Variants in ANKRD36C observed in about 807,000 individuals in gnomAD.
ANKRD36C encodes the protein ankyrin repeat domain-containing protein 36C.
Under a neutral mutation model 276.4 loss-of-function variants are expected in ANKRD36C, and 61 were observed. That is an observed-to-expected ratio of 0.22 (90% CI 0.18 to 0.27). The LOEUF is 0.27. Among genes scored for constraint, ANKRD36C ranks in the 10% least tolerant of loss-of-function variants. The pLI is 1.00. For synonymous variants in ANKRD36C, 483 were observed against 680.1 expected, an observed-to-expected ratio of 0.71 and a Z score of 4.51; for missense variants, 1,447 against 2,032.3, an observed-to-expected ratio of 0.71 and a Z score of 5.54.
Position 95,915,281 on chromosome 2 carries a change from A to G in ANKRD36C, c.2449+699T>C, listed in dbSNP as rs190229033. On this transcript the variant is annotated intron_variant, in intron 38 of 66. Transcript: ENST00000456556. Reference sequence around the variant, plus strand: ...TTAAGTTTATCTCATTTCTATAACTAAAATCAACAAAACATGTATCTCTGA... The same window carrying G: ...TTAAGTTTATCTCATTTCTATAACTGAAATCAACAAAACATGTATCTCTGA... Among the ~76,000 whole-genome samples, 105 of 151,722 alleles carry G rather than the reference A, an allele frequency of 6.9e-4. 1 individual carries two copies. Among genetic ancestry groups the G allele is most frequent in the African/African-American group, 2.4e-3 (101 of 41,488 alleles).
At chr2:95,972,440 C>G (rs1573812993) in intron 6 of ANKRD36C, among the ~76,000 whole-genome samples, 1 of 152,330 alleles carries the variant, frequency 6.6e-6, no homozygotes, top group Non-Finnish European at 1.5e-5. Context: ...GGTAACTCCA[C>G]AGGAGAGGGC....
chr2:95,943,452 C>G (rs1677951330), intron 19 of ANKRD36C, among the ~76,000 whole-genome samples: 1 of 150,614 alleles, frequency 6.6e-6, no homozygotes, highest in African/African-American at 2.4e-5. Flanking sequence ...CCACTGCCCT[C>G]CAGCCTGGGA....
chr2:95,879,314 G>A (rs1212800984), intron 58 of ANKRD36C, among the ~76,000 whole-genome samples: 1 of 152,148 alleles, frequency 6.6e-6, no homozygotes, highest in African/African-American at 2.4e-5. Context: ...GGGTGTGGGG[G>A]TGGTAGGAAA....
At chr2:95,923,663 T>C (rs1352256870) in exon 31 of ANKRD36C, 4 of 1,610,408 alleles carry the variant, frequency 2.5e-6, no homozygotes, top group Admixed American at 1.7e-5. Context: ...TTAATTACCT[T>C]TGAGGGTGGT....
intron 42 of ANKRD36C, among the ~76,000 whole-genome samples, chr2:95,903,420 G>A (rs1488407920): frequency 6.6e-6 from 1 of 150,746 alleles, no homozygotes; most frequent in Non-Finnish European, 1.5e-5. Context: ...GAGAATCAAT[G>A]TCAAAGCAGG....
intron 6 of ANKRD36C, among the ~76,000 whole-genome samples, chr2:95,973,439 T>A (rs2104524748): frequency 6.6e-6 from 1 of 152,214 alleles, no homozygotes; most frequent in Non-Finnish European, 1.5e-5. Flanking sequence ...AATAAAAACA[T>A]ACATAAAATA....
intron 24 of ANKRD36C, among the ~76,000 whole-genome samples, chr2:95,930,769 G>A (rs1333162258): frequency 3.3e-5 from 5 of 150,312 alleles, no homozygotes; most frequent in East Asian, 3.9e-4. Flanking sequence ...ATATACCATC[G>A]GGGTCTCTCA....
At chr2:95,860,695 C>A (rs1183867576) in intron 60 of ANKRD36C, among the ~76,000 whole-genome samples, 1 of 152,142 alleles carries the variant, frequency 6.6e-6, no homozygotes, top group Non-Finnish European at 1.5e-5. Context: ...TATCCCAGTT[C>A]TTTTGACAGA....
At chr2:95,956,083 G>A (rs1231527912) in intron 13 of ANKRD36C, among the ~76,000 whole-genome samples, 8 of 152,126 alleles carry the variant, frequency 5.3e-5, no homozygotes, top group Non-Finnish European at 1.2e-4. Context: ...CACTTAAAGA[G>A]AAAACCTAAC....
intron 24 of ANKRD36C, among the ~76,000 whole-genome samples, chr2:95,933,768 C>A (rs1035083406): frequency 6.6e-6 from 1 of 152,266 alleles, no homozygotes; most frequent in African/African-American, 2.4e-5. Flanking sequence ...TTTATTTTTT[C>A]CTCTTGTCTG....
chr2:95,891,765 A>T lies in ANKRD36C; in HGVS notation c.2785-28T>A, dbSNP rs778939969. 3.8e-5 allele frequency: 59 copies of T among 1,565,430 alleles called. No individual in the cohort carries two copies. The East Asian group carries it at 1.4e-3, about 37-fold the overall frequency. Reference sequence around the variant, plus strand: ...GAATGGAATTTGAAATGAAATAATAAATTAATAAAGTATGTTTCATAGACT... The same window carrying T: ...GAATGGAATTTGAAATGAAATAATATATTAATAAAGTATGTTTCATAGACT... On this transcript the variant is annotated intron_variant, in intron 45 of 66. Coordinates refer to ENST00000456556, the Ensembl canonical transcript of ANKRD36C.
At chr2:95,989,440 C>A (rs1265412546) in intron 1 of ANKRD36C, among the ~76,000 whole-genome samples, 1 of 151,920 alleles carries the variant, frequency 6.6e-6, no homozygotes, top group African/African-American at 2.4e-5. Context: ...ATAATCAAAC[C>A]AACTTTTTTT....
chr2:95,885,305 C>T (rs1676174911), intron 52 of ANKRD36C, among the ~76,000 whole-genome samples: 2 of 151,746 alleles, frequency 1.3e-5, no homozygotes, highest in South Asian at 4.2e-4. Context: ...ACAATGAAGC[C>T]AATGTATTCA....
At chr2:95,901,618 CA>C (rs1227047457) in intron 42 of ANKRD36C, among the ~76,000 whole-genome samples, 2 of 35,784 alleles carry the variant, frequency 5.6e-5, no homozygotes, top group African/African-American at 2.3e-4. Context: ...CATTATACTA[CA>C]AACATTCATC....
At chr2:95,986,277 C>T (rs1679024515) in intron 3 of ANKRD36C, among the ~76,000 whole-genome samples, 1 of 152,040 alleles carries the variant, frequency 6.6e-6, no homozygotes, top group Non-Finnish European at 1.5e-5. Context: ...AGCCTTTCCA[C>T]AGAGGAATCA....
At chr2:95,866,002 T>C (rs1396352153) in intron 60 of ANKRD36C, among the ~76,000 whole-genome samples, 1 of 152,074 alleles carries the variant, frequency 6.6e-6, no homozygotes, top group Non-Finnish European at 1.5e-5. Context: ...AACCAGCTTA[T>C]GACTGACAAA....
chr2:95,989,996 G>A (rs1296623306), intron 1 of ANKRD36C, among the ~76,000 whole-genome samples: 1 of 151,934 alleles, frequency 6.6e-6, no homozygotes, highest in Non-Finnish European at 1.5e-5. Context: ...TATCTAATAT[G>A]TATATACACA....
At chr2:95,887,653 T>C (rs574130515) in intron 50 of ANKRD36C, among the ~76,000 whole-genome samples, 24 of 151,822 alleles carry the variant, frequency 1.6e-4, no homozygotes, top group African/African-American at 4.8e-4. Flanking sequence ...AAAGCAAAAT[T>C]ATGCTGTTCC....
At chr2:95,878,985 T>A (rs1676015011) in intron 58 of ANKRD36C, among the ~76,000 whole-genome samples, 1 of 152,120 alleles carries the variant, frequency 6.6e-6, no homozygotes, top group South Asian at 2.1e-4. Flanking sequence ...AGAAAATCAG[T>A]ATTATAAAAG....
Sources: allele counts gnomAD v4.1 joint callset (sites outside exome capture counted in the v4.1 genomes callset), GRCh38; gene constraint gnomAD v4.1.1; transcripts MANE v1.5; gene names NCBI Gene and HGNC (gene_info 2026-07-23, HGNC 2026-07-21).